PRDM16: variants seen among roughly 807,000 people sequenced by gnomAD.
PRDM16 encodes the protein histone-lysine N-methyltransferase PRDM16.
PRDM16 carries 23 observed loss-of-function variants against 110.6 expected under a neutral mutation model. The observed-to-expected ratio is 0.21, with a 90% confidence interval of 0.15 to 0.29. The LOEUF is 0.29. Ranked by LOEUF, PRDM16 falls within the 10% of genes least tolerant of loss-of-function variation. PRDM16 has a pLI of 1.00. For synonymous variants in PRDM16, 799 were observed against 781.8 expected (o/e 1.02, Z -0.37); for missense variants, 1,615 against 1,794.3 (o/e 0.90, Z 1.81).
intron 12 of PRDM16, among the ~76,000 whole-genome samples, chr1:3,422,310 G>A (rs1638463082): frequency 6.6e-6 from 1 of 151,284 alleles, no homozygotes; most frequent in Non-Finnish European, 1.5e-5. Flanking sequence ...CAGACAGGCA[G>A]ACAGACAAGC....
Position 3,426,244 on chromosome 1 carries a change from G to T in PRDM16, c.3284+19G>T. The T allele has an allele frequency of 1.6e-5, 25 of 1,607,942 alleles. No individual in the cohort carries two copies. Among genetic ancestry groups the T allele is most frequent in the Non-Finnish European group, 2.0e-5 (24 of 1,175,786 alleles). ...AGAAACGGTAAGAAAACTATCGCGG[G>T]CTGGGGAAAGTCTGGACCCGGCCAA... On this transcript the variant is annotated intron_variant, in intron 14 of 16. Transcript: ENST00000270722.
rs1638759553 is a variant in PRDM16 at position 3,206,634 on chromosome 1, G to A, written c.387+20160G>A. 6.6e-6 allele frequency: 1 copy of A among 152,236 alleles called. No individual in the cohort carries two copies. The highest frequency in any genetic ancestry group is 1.5e-5 in the Non-Finnish European group (1 of 68,110). The allele number at this position is 152,236 out of a possible 1,614,324, so 9.4% of individuals were successfully genotyped here. On this transcript the variant is annotated intron_variant, in intron 2 of 16. Transcript: ENST00000270722. The surrounding 1 kb of genome is among the most constrained non-coding windows in gnomAD (Gnocchi z 4.9). ...CGGCCCTTCCATGGAGGACCTGTAG[G>A]AACCCGTGGCCTAGGGTGAGCTGGG...
intron 1 of PRDM16, among the ~76,000 whole-genome samples, chr1:3,073,025 C>T (rs942037161): frequency 5.9e-5 from 9 of 152,262 alleles, no homozygotes; most frequent in Admixed American, 1.3e-4. Flanking sequence ...AACCACCAGA[C>T]GCCCACTCGG....
intron 3 of PRDM16, among the ~76,000 whole-genome samples, chr1:3,272,826 G>A (rs959516909): frequency 6.6e-6 from 1 of 152,236 alleles, no homozygotes; most frequent in African/African-American, 2.4e-5. Flanking sequence ...CCCACAGGGA[G>A]GGCTGGCTCC....
At chr1:3,118,181 G>A (rs1251109524) in intron 1 of PRDM16, among the ~76,000 whole-genome samples, 1 of 151,844 alleles carries the variant, frequency 6.6e-6, no homozygotes, top group Non-Finnish European at 1.5e-5. Context: ...TGGAAAGATT[G>A]TGTGTGCATG....
intron 1 of PRDM16, among the ~76,000 whole-genome samples, chr1:3,181,269 C>T (rs71503054): frequency 1.0e-4 from 14 of 140,656 alleles, no homozygotes; most frequent in South Asian, 4.6e-4. Context: ...GTCTTACACA[C>T]GGCCTTACGC....
intron 1 of PRDM16, among the ~76,000 whole-genome samples, chr1:3,121,822 G>C (rs1046178445): frequency 6.6e-6 from 1 of 152,208 alleles, no homozygotes; most frequent in African/African-American, 2.4e-5. Flanking sequence ...CAGGCGGCTG[G>C]GGACCCCGGA....
chr1:3,182,539 T>C (rs1156229074), intron 1 of PRDM16, among the ~76,000 whole-genome samples: 1 of 152,170 alleles, frequency 6.6e-6, no homozygotes, highest in Non-Finnish European at 1.5e-5. Context: ...GATCATTTCC[T>C]ATAGCCTGGG....
rs370042460 is a variant in PRDM16, at chr1:3,411,403, C to T, written c.1206C>T (p.Ser402=). The T allele has an allele frequency of 4.8e-5, 77 of 1,612,462 alleles. No homozygotes were observed. The Middle Eastern group carries it at 6.6e-4, about 14-fold the overall frequency. The change falls in exon 9 of 17, where the codon TCC becomes TCT. Residue 402 remains serine, a synonymous_variant. Transcript: ENST00000270722. ...KPFICEVCHK[S]YTQFSNLCRH... Reference sequence around the variant, plus strand: ...TTTTAGGTGAGGTCTGCCACAAGTCCTACACGCAGTTCTCCAACCTGTGCC... The same window carrying T: ...TTTTAGGTGAGGTCTGCCACAAGTCTTACACGCAGTTCTCCAACCTGTGCC...
chr1:3,409,320 GTATT>G (rs2100656266), intron 8 of PRDM16, among the ~76,000 whole-genome samples: 1 of 152,202 alleles, frequency 6.6e-6, no homozygotes, highest in South Asian at 2.1e-4. Context: ...TGACCGAGGG[GTATT>G]TACAGACCCT....
In PRDM16 at chr1:3,416,720, G is replaced by A. The variant is rs373257766; in HGVS notation, c.2692-1108G>A. Among the ~76,000 whole-genome samples, 13 of 152,350 alleles carry A rather than the reference G, an allele frequency of 8.5e-5. No homozygotes were observed. The East Asian group carries it at 2.5e-3, about 29-fold the overall frequency. On this transcript the variant is annotated intron_variant, in intron 10 of 16. Transcript: ENST00000270722. ...AAATACCTGTTTAGCAAAGGTGTCT[G>A]GAGGGCCCTGTGGGTCAGGCATTGG...
At chr1:3,336,181 G>A (rs1157609721) in intron 3 of PRDM16, among the ~76,000 whole-genome samples, 2 of 152,226 alleles carry the variant, frequency 1.3e-5, no homozygotes, top group African/African-American at 2.4e-5. Flanking sequence ...AGATAGCGGG[G>A]GACATGCATA....
intron 1 of PRDM16, among the ~76,000 whole-genome samples, chr1:3,111,752 C>A (rs957446790): frequency 6.6e-6 from 1 of 152,102 alleles, no homozygotes; most frequent in Non-Finnish European, 1.5e-5. Context: ...ATCTTTTTTT[C>A]TTCGCGGCTG....
intron 3 of PRDM16, among the ~76,000 whole-genome samples, chr1:3,321,393 AGT>A (rs1641741229): frequency 1.4e-5 from 2 of 140,600 alleles, no homozygotes; most frequent in African/African-American, 5.5e-5. Context: ...GGTCTCTGTG[AGT>A]GTGTGCATTT....
Position 3,194,682 on chromosome 1 carries a change from C to T in PRDM16, c.387+8208C>T, listed in dbSNP as rs1451720344. ...TCCCCGCCACATGCCACCGTCTGAT[C>T]GCCACACGCCATCGTCTCCCCGCCA... is the stretch of plus-strand genomic sequence containing the variant. On this transcript the variant is annotated intron_variant, in intron 2 of 16. Transcript: ENST00000270722. Among the ~76,000 whole-genome samples, 15 of 139,564 alleles carry T rather than the reference C, an allele frequency of 1.1e-4. No individual in the cohort carries two copies. The South Asian group carries it at 1.1e-3, about 11-fold the overall frequency. The allele number at this position is 139,564 out of a possible 152,430, so 91.6% of individuals were successfully genotyped here. A position where few individuals can be genotyped will look rare whatever the true frequency, so the allele number is the denominator to read the frequency against.
chr1:3,425,232 C>T lies in PRDM16; in HGVS notation c.2940-349C>T, dbSNP rs55704954. ...AGCTGGGACTACAGGCGCCCACCAC[C>T]ACGACTGGCTGATTTTTTTGTATTT... On this transcript the variant is annotated intron_variant, in intron 12 of 16. Coordinates refer to ENST00000270722, the MANE Select transcript of PRDM16 (RefSeq NM_022114.4). The surrounding 1 kb of genome is among the most constrained non-coding windows in gnomAD (Gnocchi z 6.9). The T allele has an allele frequency of 0.075, 13,641 of 181,834 alleles. 753 individuals are homozygous for T. The highest frequency in any genetic ancestry group is 0.17 in the Middle Eastern group (65 of 378). The allele number at this position is 181,834 out of a possible 1,614,324, so 11.3% of individuals were successfully genotyped here. A position where few individuals can be genotyped will look rare whatever the true frequency, so the allele number is the denominator to read the frequency against.
In PRDM16 at chr1:3,089,634, C is replaced by T. The variant is rs926245; in HGVS notation, c.37+20338C>T. 5.3e-5 allele frequency among the ~76,000 whole-genome samples: 8 copies of T among 152,332 alleles called. No individual in the cohort carries two copies. The South Asian group carries it at 8.3e-4, about 16-fold the overall frequency. ...ATGCCCCTGCCGGTGAGGGGCTCCC[C>T]GTGTGACTCGCTCTGGGGCAGCAGC... On this transcript the variant is annotated intron_variant, in intron 1 of 16. Coordinates refer to ENST00000270722, the MANE Select transcript of PRDM16 (RefSeq NM_022114.4).
At chr1:3,376,183 G>A (rs949172737) in intron 3 of PRDM16, among the ~76,000 whole-genome samples, 5 of 152,172 alleles carry the variant, frequency 3.3e-5, no homozygotes, top group East Asian at 3.8e-4. Flanking sequence ...GACCCCTGGG[G>A]GCTTCCACAT....
At chr1:3,273,673 CTG>C (rs751412198) in intron 3 of PRDM16, among the ~76,000 whole-genome samples, 2 of 150,882 alleles carry the variant, frequency 1.3e-5, no homozygotes, top group African/African-American at 4.9e-5. Flanking sequence ...GGGTACATTC[CTG>C]TGTGTGTGTG....
Sources: allele counts gnomAD v4.1 joint callset (sites outside exome capture counted in the v4.1 genomes callset), GRCh38; gene constraint gnomAD v4.1.1; non-coding constraint Gnocchi (gnomAD v3.1); transcripts MANE v1.5; gene names NCBI Gene and HGNC (gene_info 2026-07-23, HGNC 2026-07-21).